Variants in PCDHA4 observed in about 807,000 individuals in gnomAD.
PCDHA4 encodes protocadherin alpha 4, also known as protocadherin alpha-4.
In PCDHA4, 49 loss-of-function variants were observed where a neutral mutation model predicts 61.4. That is an observed-to-expected ratio of 0.80 (90% CI 0.63 to 1.01). PCDHA4 has a LOEUF of 1.01. PCDHA4 is among the 50% of genes least tolerant of loss of function. PCDHA4 has a pLI of 0.00. For missense variants in PCDHA4, 1,254 were observed against 1,235.8 expected (o/e 1.01, Z -0.22); for synonymous variants, 590 against 550.3 (o/e 1.07, Z -1.01).
At chr5:140,882,920 G>C (rs2059362328) in intron 1 of PCDHA4, 1 of 1,614,090 alleles carries the variant, frequency 6.2e-7, no homozygotes. Flanking sequence ...CAGTGATGGA[G>C]GTAAACCCGA....
At chr5:140,884,193 C>T (rs1554181316) in intron 1 of PCDHA4, 2 of 1,613,432 alleles carry the variant, frequency 1.2e-6, no homozygotes, top group African/African-American at 1.3e-5. Flanking sequence ...GAGGTGGACG[C>T]GCCGCACCAC....
rs782362882 is a variant in PCDHA4 at position 140,808,420 on chromosome 5, T to A, written c.1233T>A (p.Ser411Arg). 6.2e-7 allele frequency: 1 copy of A among 1,614,026 alleles called. No homozygotes were observed. Among genetic ancestry groups the A allele is most frequent in the African/African-American group, 1.3e-5 (1 of 74,942 alleles). Reference protein sequence around the residue: ...FKNYYSLVLDSALDRESVSAY... With the variant: ...FKNYYSLVLDRALDRESVSAY... ...ATTACTACTCGTTGGTGCTGGACAG[T>A]GCCCTGGACCGCGAGAGCGTGTCAG... The change falls in exon 1 of 4, where the codon AGT becomes AGA. Residue 411 changes from serine to arginine, a missense_variant. Physicochemically the swap from Ser to Arg is moderately radical, Grantham distance 110. Coordinates refer to ENST00000530339, the MANE Select transcript of PCDHA4 (RefSeq NM_018907.4).
chr5:140,972,515 G>A (rs572041832), intron 1 of PCDHA4, among the ~76,000 whole-genome samples: 1 of 152,166 alleles, frequency 6.6e-6, no homozygotes, highest in South Asian at 2.1e-4. Flanking sequence ...TTTACCCCCA[G>A]TGAGCTTATT....
chr5:140,883,230 A>T (rs1554177225), intron 1 of PCDHA4: 1 of 1,614,082 alleles, frequency 6.2e-7, no homozygotes, highest in African/African-American at 1.3e-5. Flanking sequence ...ATATCCGTGG[A>T]GGCAGTTGAC....
chr5:140,967,173 T>C, intron 1 of PCDHA4: 1 of 1,611,178 alleles, frequency 6.2e-7, no homozygotes, highest in Non-Finnish European at 8.5e-7. Context: ...GCCGTTGAGG[T>C]GGAAATATTG....
In PCDHA4 at chr5:140,887,347, C is replaced by T. The variant is rs568939189; in HGVS notation, c.2385+77775C>T. Among the ~76,000 whole-genome samples the T allele has an allele frequency of 4.6e-5, 7 of 152,202 alleles. No homozygotes were observed. In the South Asian group the frequency reaches 6.2e-4, roughly 14 times the overall value. On this transcript the variant is annotated intron_variant, in intron 1 of 3. Coordinates refer to ENST00000530339, the MANE Select transcript of PCDHA4 (RefSeq NM_018907.4). ...TCCTGACCTCGTGATCCACCTGGCT[C>T]GGCCTCCCAAAGTGCTGGGATTACA...
chr5:140,961,793 A>G (rs1554225592), intron 1 of PCDHA4, among the ~76,000 whole-genome samples: 2 of 152,166 alleles, frequency 1.3e-5, no homozygotes, highest in Admixed American at 1.3e-4. Flanking sequence ...TTTTTAAAAG[A>G]TAGGAAATTG....
At chr5:140,841,762 G>A in intron 1 of PCDHA4, 1 of 1,613,914 alleles carries the variant, frequency 6.2e-7, no homozygotes, top group Non-Finnish European at 8.5e-7. Context: ...AATCCAGAAT[G>A]CCAGACTCTC....
intron 1 of PCDHA4, among the ~76,000 whole-genome samples, chr5:140,889,804 G>A (rs940898112): frequency 1.3e-5 from 2 of 152,112 alleles, no homozygotes; most frequent in African/African-American, 2.4e-5. Context: ...TGGGATTTAT[G>A]AAGTCAGGTC....
chr5:140,949,457 T>C (rs1369576515), intron 1 of PCDHA4, among the ~76,000 whole-genome samples: 1 of 151,872 alleles, frequency 6.6e-6, no homozygotes, highest in Non-Finnish European at 1.5e-5. Flanking sequence ...TCATGTAATT[T>C]GAAGCCCTGT....
At chr5:140,840,556 G>A (rs1378989097) in intron 1 of PCDHA4, among the ~76,000 whole-genome samples, 4 of 152,028 alleles carry the variant, frequency 2.6e-5, no homozygotes, top group Non-Finnish European at 5.9e-5. Flanking sequence ...TGGCAATACT[G>A]CTAGAGTTTG....
chr5:140,985,619 G>C (rs961379624), intron 3 of PCDHA4, among the ~76,000 whole-genome samples: 2 of 152,064 alleles, frequency 1.3e-5, no homozygotes, highest in African/African-American at 2.4e-5. Context: ...TGAACCAGCT[G>C]TGTATTGCTC....
rs1030293372 is a variant in PCDHA4 at position 140,856,468 on chromosome 5, A to C, written c.2385+46896A>C. ...TCTCCGTAACAGAACAAAAGCTCTC[A>C]ATACCTGAATCCAGACTGCTTGACT... On this transcript the variant is annotated intron_variant, in intron 1 of 3. Transcript: ENST00000530339. 2.2e-5 allele frequency: 35 copies of C among 1,597,788 alleles called. 3 individuals are homozygous for C. The East Asian group carries it at 7.4e-4, about 34-fold the overall frequency.
In PCDHA4 at chr5:141,010,220, C is replaced by T. The variant is rs114341618; in HGVS notation, c.*283C>T. ...CTCCTCCGCCGCAAAGGAGAGGCTT[C>T]CCAGCCCCGCCAGTGAGAGGTTGGA... On this transcript the variant is annotated 3_prime_UTR_variant, in exon 4 of 4. Coordinates refer to ENST00000530339, the MANE Select transcript of PCDHA4 (RefSeq NM_018907.4). 2,711 of 1,551,728 alleles carry T rather than the reference C, an allele frequency of 1.7e-3. 46 individuals are homozygous for T. The African/African-American group carries it at 0.034, about 19-fold the overall frequency.
intron 1 of PCDHA4, chr5:140,822,175 A>C (rs2150114299): frequency 6.2e-7 from 1 of 1,614,258 alleles, no homozygotes; most frequent in South Asian, 1.1e-5. Context: ...CAGGTTCTCC[A>C]GACAAGAACA....
At chr5:140,860,134 T>C (rs1179708512) in intron 1 of PCDHA4, 1 of 150,772 alleles carries the variant, frequency 6.6e-6, no homozygotes, top group African/African-American at 2.4e-5. Flanking sequence ...TGTGTGTGTG[T>C]ATATATATGT....
intron 1 of PCDHA4, chr5:140,824,141 T>A: frequency 1.2e-6 from 2 of 1,612,188 alleles, no homozygotes; most frequent in Non-Finnish European, 1.7e-6. Flanking sequence ...AGTTTTCTAA[T>A]ATTAACATCC....
At chr5:140,868,317 C>G (rs2050392446) in intron 1 of PCDHA4, 2 of 151,824 alleles carry the variant, frequency 1.3e-5, no homozygotes, top group South Asian at 4.2e-4. Context: ...TCATATTGTT[C>G]TGCAATGAAT....
intron 1 of PCDHA4, chr5:140,836,055 G>A: frequency 5.6e-6 from 9 of 1,613,604 alleles, no homozygotes; most frequent in Non-Finnish European, 7.6e-6. Flanking sequence ...CGTGCTGGAC[G>A]AGAACGACAA....
Sources: allele counts gnomAD v4.1 joint callset (sites outside exome capture counted in the v4.1 genomes callset), GRCh38; gene constraint gnomAD v4.1.1; transcripts MANE v1.5; gene names NCBI Gene and HGNC (gene_info 2026-07-23, HGNC 2026-07-21).